Variants in PHC3 observed in about 807,000 individuals in gnomAD.
The protein encoded by PHC3 is polyhomeotic homolog 3, also known as polyhomeotic-like protein 3.
A neutral mutation model predicts 107.4 loss-of-function variants in PHC3; 13 were observed. That is an observed-to-expected ratio of 0.12 (90% CI 0.08 to 0.19). The LOEUF is 0.19. PHC3 is among the 10% of genes least tolerant of loss of function. PHC3 has a pLI of 1.00. For missense variants in PHC3, 992 were observed against 1,210.9 expected (o/e 0.82, Z 2.68); for synonymous variants, 456 against 427.4 (o/e 1.07, Z -0.83).
At chr3:170,134,340 C>T (rs1273234966) in intron 7 of PHC3, among the ~76,000 whole-genome samples, 1 of 151,980 alleles carries the variant, frequency 6.6e-6, no homozygotes, top group African/African-American at 2.4e-5. Flanking sequence ...CAGGTGCCGG[C>T]CACTACGCAC....
chr3:170,119,036 T>TAAAAAAAAAAAAAAAAAAAAAAAAAGAA (rs1002478959), intron 9 of PHC3, among the ~76,000 whole-genome samples: 6 of 72,646 alleles, frequency 8.3e-5, no homozygotes, highest in Admixed American at 1.6e-4. Context: ...TATAAAAAGC[T>TAAAAAAAAAAAAAAAAAAAAAAAAAGAA]AAAAAAAAAA....
chr3:170,098,439 C>T (rs1560015609), intron 14 of PHC3, among the ~76,000 whole-genome samples: 1 of 152,088 alleles, frequency 6.6e-6, no homozygotes, highest in Non-Finnish European at 1.5e-5. Context: ...AGTTACATTA[C>T]ACTTTTGGAT....
chr3:170,111,510 CAA>C (rs908535874), intron 11 of PHC3, among the ~76,000 whole-genome samples: 10 of 151,934 alleles, frequency 6.6e-5, no homozygotes, highest in African/African-American at 2.2e-4. Context: ...AGGAAGGAAA[CAA>C]AATGAATGAA....
intron 1 of PHC3, among the ~76,000 whole-genome samples, chr3:170,180,494 C>G (rs1022095142): frequency 2.0e-5 from 3 of 150,906 alleles, no homozygotes; most frequent in African/African-American, 7.3e-5. Flanking sequence ...AAAGGAAAAC[C>G]GTCAGGAAGA....
At chr3:170,104,934 G>A (rs550180139) in intron 12 of PHC3, among the ~76,000 whole-genome samples, 133 of 152,264 alleles carry the variant, frequency 8.7e-4, no homozygotes, top group African/African-American at 2.8e-3. Flanking sequence ...CTTTATACTT[G>A]ATATTTTGTC....
intron 4 of PHC3, among the ~76,000 whole-genome samples, chr3:170,157,517 G>C (rs1003921209): frequency 6.6e-6 from 1 of 152,028 alleles, no homozygotes; most frequent in Non-Finnish European, 1.5e-5. Context: ...ACTAGTATTA[G>C]GTTTTGGAAA....
chr3:170,122,733 T>C lies in PHC3; in HGVS notation c.1800A>G (p.Val600=), dbSNP rs369204877. The change falls in exon 9 of 15, where the codon GTA becomes GTG. Residue 600 remains valine (V), a synonymous_variant. Coordinates refer to ENST00000495893, the MANE Select transcript of PHC3 (RefSeq NM_024947.4). ...GCATTTCTTCTTCACACACATCTTC[T>C]ACCTGATAAACCTGCAATGACAAAC... ...APVDPPVVYQ[V]EDVCEEEMPE... 3.0e-5 allele frequency: 49 copies of C among 1,613,828 alleles called. No homozygotes were observed. In the African/African-American group the frequency reaches 6.4e-4, roughly 21 times the overall value.
intron 12 of PHC3, 109 bp downstream of exon 12, chr3:170,106,723 A>G (rs1372919576): frequency 5.2e-6 from 3 of 572,914 alleles, no homozygotes; most frequent in Non-Finnish European, 8.8e-6. Flanking sequence ...CTATAATATT[A>G]CATATTAAAA....
chr3:170,113,293 C>T, intron 11 of PHC3, 67 bp downstream of exon 11: 3 of 1,415,528 alleles, frequency 2.1e-6, no homozygotes, highest in Non-Finnish European at 1.9e-6. Context: ...AATAAAAATC[C>T]ACATCCTGTT....
rs775711287 is a variant in PHC3 at position 170,129,236 on chromosome 3, A to G, written c.1236T>C (p.Pro412=). 20 of 1,612,506 alleles carry G rather than the reference A, an allele frequency of 1.2e-5. No individual in the cohort carries two copies. The highest frequency in any genetic ancestry group is 2.2e-5 in the South Asian group (2 of 91,042). ...ACTGACTTGGTGAATGAGGTGGTGG[A>G]GGAGACACCACTACAGACTGCTGTG... ...QSAQQSVVVS[P]PPPHSPSQSP... Residue 412 remains proline (P), a synonymous_variant, in exon 8 of 15, where the codon CCT becomes CCC. Transcript: ENST00000495893.
At chr3:170,141,702 CCTG>C (rs970101889) in intron 6 of PHC3, among the ~76,000 whole-genome samples, 7 of 152,252 alleles carry the variant, frequency 4.6e-5, no homozygotes, top group African/African-American at 1.7e-4. Flanking sequence ...GCCTCGACCT[CCTG>C]GGCTCAAGCA....
rs878962814 is a variant in PHC3 at position 170,097,596 on chromosome 3, T to C, written c.2834-212A>G. Among the ~76,000 whole-genome samples, 3 of 152,108 alleles carry C rather than the reference T, an allele frequency of 2.0e-5. No homozygotes were observed. The highest frequency in any genetic ancestry group is 2.0e-4 in the Admixed American group (3 of 15,246). ...AGAATTCAAAATCCAGGTAAAGCAA[T>C]TTGCTTGGAATTCTTGCTCTAAAAT... On this transcript the variant is annotated intron_variant, in intron 14 of 14. Transcript: ENST00000495893. The surrounding 1 kb of genome is among the most constrained non-coding windows in gnomAD (Gnocchi z 4.1).
At chr3:170,170,007 A>G (rs1042925187) in intron 4 of PHC3, 4 of 152,046 alleles carry the variant, frequency 2.6e-5, no homozygotes, top group Admixed American at 6.6e-5. Flanking sequence ...GAACTTTTTA[A>G]ACTAATCTTG....
Position 170,115,733 on chromosome 3 carries a change from G to A in PHC3, c.2193+1493C>T, listed in dbSNP as rs564679237. Among the ~76,000 whole-genome samples, 49 of 152,152 alleles carry A rather than the reference G, an allele frequency of 3.2e-4. 1 individual carries two copies. In the South Asian group the frequency reaches 7.9e-3, roughly 24 times the overall value. On this transcript the variant is annotated intron_variant, in intron 10 of 14. Coordinates refer to ENST00000495893, the MANE Select transcript of PHC3 (RefSeq NM_024947.4). ...TCGACAACTCTAAGAGCAAAGCACC[G>A]TCTCCACCTGACAAATAAGCAAAAT... is the stretch of plus-strand genomic sequence containing the variant.
At chr3:170,132,158 G>A (rs945980564) in intron 7 of PHC3, among the ~76,000 whole-genome samples, 1 of 152,130 alleles carries the variant, frequency 6.6e-6, no homozygotes, top group African/African-American at 2.4e-5. Context: ...TTTAAATTCA[G>A]AGAATTAATG....
At chr3:170,181,100 C>A (rs1157262983) in intron 1 of PHC3, among the ~76,000 whole-genome samples, 5 of 152,218 alleles carry the variant, frequency 3.3e-5, no homozygotes, top group African/African-American at 4.8e-5. Context: ...CCCAGAGAAT[C>A]GAGGGAAAGA....
chr3:170,180,142 A>G (rs1003443269), intron 1 of PHC3, among the ~76,000 whole-genome samples: 2 of 149,760 alleles, frequency 1.3e-5, no homozygotes, highest in African/African-American at 4.9e-5. Flanking sequence ...GTAAAAAAAA[A>G]CCGAACAAAA....
chr3:170,122,532 T>C, intron 9 of PHC3, 59 bp downstream of exon 9: 1 of 1,566,590 alleles, frequency 6.4e-7, no homozygotes, highest in Admixed American at 1.7e-5. Context: ...AAATCAACTT[T>C]TCCTATTATT....
At position 170,094,498 on chromosome 3, in the gene PHC3, A is replaced by T. The variant is rs1009469210; in HGVS notation, c.*2732T>A. ...CAGTCAAAATCCTAAAACTATTAGT[A>T]GTAGTATGAAAGGATATGAAAACAA... is the stretch of plus-strand genomic sequence containing the variant. On this transcript the variant is annotated 3_prime_UTR_variant, in exon 15 of 15. Coordinates refer to ENST00000495893, the MANE Select transcript of PHC3 (RefSeq NM_024947.4). 3.3e-5 allele frequency: 5 copies of T among 152,178 alleles called. No homozygotes were observed. In the South Asian group the frequency reaches 8.3e-4, roughly 25 times the overall value. The allele number at this position is 152,178 out of a possible 1,614,324, so 9.4% of individuals were successfully genotyped here.
Sources: allele counts gnomAD v4.1 joint callset (sites outside exome capture counted in the v4.1 genomes callset), GRCh38; gene constraint gnomAD v4.1.1; non-coding constraint Gnocchi (gnomAD v3.1); transcripts MANE v1.5; gene names NCBI Gene and HGNC (gene_info 2026-07-23, HGNC 2026-07-21).